Variants in REPS1 observed in about 807,000 individuals in gnomAD.
The protein encoded by REPS1 is ralBP1-associated Eps domain-containing protein 1.
In REPS1, 39 loss-of-function variants were observed where a neutral mutation model predicts 100.9. The observed-to-expected ratio is 0.39, with a 90% CI of 0.30 to 0.50. The LOEUF is 0.50. Among genes scored for constraint, REPS1 ranks in the 20% least tolerant of loss-of-function variants. REPS1 has a pLI of 0.86. For synonymous variants in REPS1, 324 were observed against 340.3 expected, an observed-to-expected ratio of 0.95 and a Z score of 0.53; for missense variants, 821 against 968.5, an observed-to-expected ratio of 0.85 and a Z score of 2.02.
At chr6:138,985,012 CCACT>C (rs1785174458) in intron 1 of REPS1, among the ~76,000 whole-genome samples, 1 of 152,206 alleles carries the variant, frequency 6.6e-6, no homozygotes, top group Non-Finnish European at 1.5e-5. Context: ...ACCCTTTCTG[CCACT>C]CAAAGTCAAA....
At position 138,945,644 on chromosome 6, in the gene REPS1, G is replaced by A. The variant is rs773083809; in HGVS notation, c.331C>T (p.Arg111Cys). The change falls in exon 3 of 20, where the codon CGC (arginine) becomes TGC (cysteine). Residue 111 changes from arginine to cysteine, a missense_variant. By Grantham distance (180) the Arg-to-Cys change is radical. Transcript: ENST00000450536. ...FVASKNEQES[R>C]HAASYSSDSE... ...TCTGAAGAATATGAGGCTGCATGGC[G>A]AGATTCCTGTTCATTCTTTGAAGCA... The A allele has an allele frequency of 6.2e-6, 10 of 1,612,740 alleles. No homozygotes were observed. In the African/African-American group the frequency reaches 6.7e-5, roughly 11 times the overall value.
intron 14 of REPS1, among the ~76,000 whole-genome samples, chr6:138,915,383 T>C (rs1260011793): frequency 6.7e-6 from 1 of 148,904 alleles, no homozygotes; most frequent in Non-Finnish European, 1.5e-5. Flanking sequence ...AAACACACTT[T>C]AAGTAGTCAT....
At chr6:138,963,513 T>A (rs1783854097) in intron 1 of REPS1, among the ~76,000 whole-genome samples, 1 of 152,214 alleles carries the variant, frequency 6.6e-6, no homozygotes, top group South Asian at 2.1e-4. Flanking sequence ...TTAGCCTTCA[T>A]TTGAATCAAC....
intron 15 of REPS1, among the ~76,000 whole-genome samples, chr6:138,913,435 T>C (rs1476239929): frequency 6.6e-6 from 1 of 152,182 alleles, no homozygotes; most frequent in Non-Finnish European, 1.5e-5. Context: ...TCCACTCCTT[T>C]GCCAGCCAGA....
chr6:138,943,629 G>A (rs1190858613), intron 6 of REPS1, 53 bp from the exon 7 acceptor site: 13 of 1,331,970 alleles, frequency 9.8e-6, no homozygotes, highest in South Asian at 1.2e-5. Flanking sequence ...ACGGATCCAC[G>A]AACAGAATGT....
At chr6:138,959,284 A>C (rs1783589386) in intron 1 of REPS1, among the ~76,000 whole-genome samples, 1 of 152,190 alleles carries the variant, frequency 6.6e-6, no homozygotes, top group South Asian at 2.1e-4. Context: ...CACGGAAGCT[A>C]CTTCTTATTC....
intron 7 of REPS1, 44 bp downstream of exon 7, chr6:138,943,469 T>G (rs1782399094): frequency 7.9e-7 from 1 of 1,267,486 alleles, no homozygotes. Flanking sequence ...TAGAAACTCC[T>G]TGGAAGCAAC....
chr6:138,922,245 T>C (rs949075575), intron 10 of REPS1, among the ~76,000 whole-genome samples: 2 of 152,166 alleles, frequency 1.3e-5, no homozygotes, highest in Admixed American at 6.5e-5. Context: ...ATTGCAATAG[T>C]AGGCACAATA....
intron 1 of REPS1, among the ~76,000 whole-genome samples, chr6:138,956,716 A>C (rs1185413910): frequency 6.6e-6 from 1 of 151,786 alleles, no homozygotes; most frequent in Non-Finnish European, 1.5e-5. Context: ...CAGTTTTTCT[A>C]TTGCCTCATC....
At chr6:138,979,903 A>C (rs1405170907) in intron 1 of REPS1, among the ~76,000 whole-genome samples, 1 of 152,186 alleles carries the variant, frequency 6.6e-6, no homozygotes, top group African/African-American at 2.4e-5. Flanking sequence ...TGACATCTCT[A>C]AGCCAAGTAT....
At chr6:138,957,636 A>G (rs1016900885) in intron 1 of REPS1, among the ~76,000 whole-genome samples, 5 of 152,218 alleles carry the variant, frequency 3.3e-5, no homozygotes, top group Non-Finnish European at 5.9e-5. Flanking sequence ...CAACCGGCCT[A>G]CAGAGCAACC....
intron 9 of REPS1, 27 bp from the exon 10 acceptor site, chr6:138,926,508 A>G: frequency 6.7e-7 from 1 of 1,500,352 alleles, no homozygotes; most frequent in Non-Finnish European, 9.3e-7. Flanking sequence ...GAGACAAGTC[A>G]GCATGATGAG....
intron 1 of REPS1, among the ~76,000 whole-genome samples, chr6:138,978,855 T>C (rs920813516): frequency 1.3e-5 from 2 of 152,194 alleles, no homozygotes; most frequent in Admixed American, 6.5e-5. Flanking sequence ...TACTTGCGTC[T>C]GTAACCATGT....
intron 3 of REPS1, 39 bp downstream of exon 3, chr6:138,945,462 C>T: frequency 1.2e-5 from 19 of 1,580,926 alleles, no homozygotes; most frequent in South Asian, 2.4e-5. Context: ...AGCATTTGCA[C>T]AGGGCATCAA....
At chr6:138,916,218 C>CTTTTTTTTTTTTTTTTTT in intron 13 of REPS1, 1 of 191,862 alleles carries the variant, frequency 5.2e-6, no homozygotes, top group Non-Finnish European at 9.6e-6. Flanking sequence ...TTCTTTTTTT[C>CTTTTTTTTTTTTTTTTTT]TTTTTTTTTT....
chr6:138,937,056 A>G lies in REPS1; in HGVS notation c.1135+4279T>C, dbSNP rs188322007. Among the ~76,000 whole-genome samples, 446 of 152,244 alleles carry G rather than the reference A, an allele frequency of 2.9e-3. 1 individual carries two copies. Among genetic ancestry groups the G allele is most frequent in the African/African-American group, 0.01 (423 of 41,524 alleles). Reference sequence around the variant, plus strand: ...ACAATCATGGTGGAAGGCAAGGAGGAGCAAGTCACATCTTACATGGATGGC... The same window carrying G: ...ACAATCATGGTGGAAGGCAAGGAGGGGCAAGTCACATCTTACATGGATGGC... On this transcript the variant is annotated intron_variant, in intron 8 of 19. Transcript: ENST00000450536.
intron 10 of REPS1, among the ~76,000 whole-genome samples, chr6:138,923,009 C>G (rs926747387): frequency 1.3e-5 from 2 of 151,914 alleles, no homozygotes; most frequent in African/African-American, 4.8e-5. Flanking sequence ...AATTTCTTGC[C>G]CCTACACCAC....
intron 1 of REPS1, among the ~76,000 whole-genome samples, chr6:138,959,175 A>G (rs1432428531): frequency 6.6e-6 from 1 of 152,200 alleles, no homozygotes; most frequent in Non-Finnish European, 1.5e-5. Context: ...CACATTGCTT[A>G]GCACATAGTG....
At chr6:138,947,064 CT>C (rs1582801064) in intron 2 of REPS1, among the ~76,000 whole-genome samples, 2 of 151,710 alleles carry the variant, frequency 1.3e-5, no homozygotes, top group East Asian at 1.9e-4. Flanking sequence ...CTCTCTCTCT[CT>C]CTCTCTCTCT....
Sources: gnomAD v4.1 joint callset for allele counts (sites outside exome capture counted in the v4.1 genomes callset) on GRCh38, gnomAD v4.1.1 for gene constraint, MANE v1.5 for transcripts, NCBI Gene and HGNC (gene_info 2026-07-23, HGNC 2026-07-21) for gene names.